PKP4: variants seen among roughly 807,000 people sequenced by gnomAD.
PKP4 encodes plakophilin 4.
PKP4 carries 90 observed loss-of-function variants against 145.1 expected under a neutral mutation model. That is an observed-to-expected ratio of 0.62 (90% CI 0.52 to 0.74). The LOEUF (loss-of-function observed/expected upper bound fraction) is 0.74. Ranked by LOEUF, PKP4 falls within the 30% of genes least tolerant of loss-of-function variation. PKP4 has a pLI of 0.00. For synonymous variants in PKP4, 563 were observed against 577.2 expected (o/e 0.98, Z 0.35); for missense variants, 1,340 against 1,482.7 (o/e 0.90, Z 1.58).
intron 1 of PKP4, among the ~76,000 whole-genome samples, chr2:158,459,662 A>G (rs976061397): frequency 1.3e-5 from 2 of 152,206 alleles, no homozygotes; most frequent in African/African-American, 2.4e-5. Flanking sequence ...TAACAGTATC[A>G]TATTACAGCA....
At chr2:158,625,475 C>T (rs1294530497) in intron 7 of PKP4, 48 bp downstream of exon 7, 4 of 1,435,152 alleles carry the variant, frequency 2.8e-6, no homozygotes, top group Non-Finnish European at 3.8e-6. Flanking sequence ...AGGAAATCTT[C>T]TGTGTAACTT....
At position 158,634,309 on chromosome 2, in the gene PKP4, C is replaced by T; in HGVS notation, c.1562+20C>T. The T allele has an allele frequency of 1.3e-6, 2 of 1,594,466 alleles. No homozygotes were observed. The highest frequency in any genetic ancestry group is 1.7e-6 in the Non-Finnish European group (2 of 1,162,902). On this transcript the variant is annotated intron_variant, in intron 9 of 21. Transcript: ENST00000389759. ...CCCCAGGCGAGTACCAGTTAGGAGT[C>T]TCTAGAAGGCTACAGTATTGCAGGA...
intron 1 of PKP4, among the ~76,000 whole-genome samples, chr2:158,491,224 G>GGGATCACCTCCTCACCAT (rs1182990042): frequency 1.2e-4 from 19 of 152,088 alleles, no homozygotes; most frequent in Non-Finnish European, 1.9e-4. Context: ...AAAAAGGGGT[G>GGGATCACCTCCTCACCAT]CGTGATCCCT....
At chr2:158,653,187 A>G (rs1420531650) in intron 11 of PKP4, among the ~76,000 whole-genome samples, 2 of 152,238 alleles carry the variant, frequency 1.3e-5, no homozygotes, top group Non-Finnish European at 2.9e-5. Context: ...AAAGAAAAAC[A>G]GTTGTATAGG....
chr2:158,638,878 A>C (rs2054036264), intron 9 of PKP4, among the ~76,000 whole-genome samples: 1 of 152,206 alleles, frequency 6.6e-6, no homozygotes, highest in African/African-American at 2.4e-5. Context: ...GGTAATCTGC[A>C]TGACACCCAT....
intron 1 of PKP4, among the ~76,000 whole-genome samples, chr2:158,498,243 C>T (rs1696034277): frequency 6.6e-6 from 1 of 152,154 alleles, no homozygotes; most frequent in African/African-American, 2.4e-5. Context: ...CCACCTCAGC[C>T]TGCCAAGTAG....
intron 4 of PKP4, among the ~76,000 whole-genome samples, chr2:158,607,759 T>C (rs2105861813): frequency 6.6e-6 from 1 of 152,240 alleles, no homozygotes; most frequent in Admixed American, 6.5e-5. Flanking sequence ...GATTTTTAAT[T>C]ACCAAAAGCC....
chr2:158,672,290 A>C (rs1173820966), intron 17 of PKP4, among the ~76,000 whole-genome samples: 1 of 152,220 alleles, frequency 6.6e-6, no homozygotes, highest in African/African-American at 2.4e-5. Context: ...TCTTTCAAGG[A>C]GTTTTGCTGC....
intron 15 of PKP4, among the ~76,000 whole-genome samples, chr2:158,664,624 A>G (rs2056910524): frequency 6.6e-6 from 1 of 152,336 alleles, no homozygotes; most frequent in South Asian, 2.1e-4. Context: ...GCACGTGGCC[A>G]CTATGTTGAA....
At position 158,669,775 on chromosome 2, in the gene PKP4, T is replaced by G; in HGVS notation, c.2784T>G (p.Ser928Arg). ...VNRLPGGNGP[S>R]VLSDETMAAI... ...GGCTCCCCGGCGGCAATGGCCCCAG[T>G]GTCTTGTCTGATGAGACCATGGCAG... Residue 928 changes from serine to arginine, a missense_variant, in exon 17 of 22, where the codon AGT (serine) becomes AGG (arginine). Physicochemically the swap from Ser to Arg is moderately radical, Grantham distance 110 (BLOSUM62 -1). Coordinates refer to ENST00000389759, the MANE Select transcript of PKP4 (RefSeq NM_003628.6). 1 of 1,611,132 alleles carries G rather than the reference T, an allele frequency of 6.2e-7. No homozygotes were observed. Among genetic ancestry groups the G allele is most frequent in the Non-Finnish European group, 8.5e-7 (1 of 1,178,030 alleles).
At chr2:158,595,081 G>T (rs185282570) in intron 3 of PKP4, among the ~76,000 whole-genome samples, 6 of 152,228 alleles carry the variant, frequency 3.9e-5, no homozygotes, top group African/African-American at 1.2e-4. Flanking sequence ...TTGTTCTGAC[G>T]TTAAGACAGA....
chr2:158,506,483 C>A (rs1281408266), intron 1 of PKP4, among the ~76,000 whole-genome samples: 1 of 152,172 alleles, frequency 6.6e-6, no homozygotes, highest in African/African-American at 2.4e-5. Context: ...GTATATGTTG[C>A]TACCATATAA....
At chr2:158,486,116 A>G (rs1298923307) in intron 1 of PKP4, among the ~76,000 whole-genome samples, 1 of 152,208 alleles carries the variant, frequency 6.6e-6, no homozygotes, top group African/African-American at 2.4e-5. Flanking sequence ...TTGTAATCAT[A>G]GCATTATTAT....
chr2:158,672,556 AT>A (rs1197287845), intron 17 of PKP4, among the ~76,000 whole-genome samples: 1 of 152,198 alleles, frequency 6.6e-6, no homozygotes. Flanking sequence ...CAGGGTGGCT[AT>A]GTGGGGCAAG....
chr2:158,526,096 T>A (rs1402950045), intron 1 of PKP4, among the ~76,000 whole-genome samples: 65 of 151,360 alleles, frequency 4.3e-4, no homozygotes, highest in African/African-American at 1.6e-3. Flanking sequence ...ACTATTCCAA[T>A]GAATAGAAAA....
At chr2:158,468,696 C>A (rs1691044386) in intron 1 of PKP4, among the ~76,000 whole-genome samples, 1 of 151,578 alleles carries the variant, frequency 6.6e-6, no homozygotes, top group Non-Finnish European at 1.5e-5. Flanking sequence ...AGTAAGCATA[C>A]CTGATACTTT....
intron 1 of PKP4, among the ~76,000 whole-genome samples, chr2:158,523,111 A>G (rs2042566253): frequency 6.6e-6 from 1 of 152,190 alleles, no homozygotes; most frequent in Admixed American, 6.5e-5. Context: ...TCAAAGCTAC[A>G]ACTGGGTGGA....
chr2:158,572,751 G>T, intron 2 of PKP4, among the ~76,000 whole-genome samples: 1 of 152,198 alleles, frequency 6.6e-6, no homozygotes, highest in East Asian at 1.9e-4. Flanking sequence ...TAGGAAAAAG[G>T]TGTTTGTTAT....
chr2:158,621,516 C>A (rs886113735), intron 6 of PKP4, 95 bp downstream of exon 6: 5 of 1,003,602 alleles, frequency 5.0e-6, no homozygotes, highest in Non-Finnish European at 7.5e-6. Flanking sequence ...GAGGCCGAGG[C>A]GGGTGGATCA....
Sources: gnomAD v4.1 joint callset for allele counts (sites outside exome capture counted in the v4.1 genomes callset) on GRCh38, gnomAD v4.1.1 for gene constraint, MANE v1.5 for transcripts, NCBI Gene and HGNC (gene_info 2026-07-23, HGNC 2026-07-21) for gene names.